The following NTRK3 variants were observed in gnomAD, a reference collection of about 807,000 sequenced individuals.
NTRK3 encodes NT-3 growth factor receptor.
NTRK3 carries 24 observed loss-of-function variants against 91.7 expected under a neutral mutation model. The ratio of observed to expected loss-of-function variants is 0.26; its 90% CI spans 0.19 to 0.37. NTRK3 has a LOEUF of 0.37. NTRK3 is among the 10% of genes least tolerant of loss of function. The pLI is 1.00. For synonymous variants in NTRK3, 483 were observed against 404.0 expected (o/e 1.20, Z -2.34); for missense variants, 880 against 1,068.9 (o/e 0.82, Z 2.46).
intron 13 of NTRK3, among the ~76,000 whole-genome samples, chr15:88,060,007 T>C (rs1442334125): frequency 3.3e-5 from 5 of 152,054 alleles, no homozygotes; most frequent in Non-Finnish European, 5.9e-5. Context: ...CCAGAATAGA[T>C]TTCTGTTGTT....
intron 17 of NTRK3, among the ~76,000 whole-genome samples, chr15:87,921,769 G>A (rs2067896088): frequency 1.3e-5 from 2 of 152,070 alleles, no homozygotes; most frequent in African/African-American, 4.8e-5. Context: ...ACAAAGAGGA[G>A]CAATGAGCAG....
At chr15:87,933,956 A>G (rs1324318148) in intron 15 of NTRK3, among the ~76,000 whole-genome samples, 1 of 152,210 alleles carries the variant, frequency 6.6e-6, no homozygotes, top group Admixed American at 6.5e-5. Context: ...TGAAAACTCA[A>G]GTGTGAGAAA....
chr15:87,984,461 G>A (rs1024262647), intron 14 of NTRK3, among the ~76,000 whole-genome samples: 4 of 152,162 alleles, frequency 2.6e-5, no homozygotes, highest in African/African-American at 9.7e-5. Context: ...TTGAGTCTAA[G>A]TTCTTTCTTC....
At chr15:88,099,636 C>T (rs142606923) in intron 13 of NTRK3, among the ~76,000 whole-genome samples, 21 of 152,190 alleles carry the variant, frequency 1.4e-4, no homozygotes, top group African/African-American at 5.1e-4. Flanking sequence ...GGGTGCTAGC[C>T]GGGTCTGCCA....
chr15:88,166,071 C>T (rs761091923), intron 5 of NTRK3, among the ~76,000 whole-genome samples: 1 of 152,144 alleles, frequency 6.6e-6, no homozygotes, highest in Non-Finnish European at 1.5e-5. Context: ...TGTGAGAAAG[C>T]ACATGACAAA....
chr15:88,007,039 G>A (rs1221310046), intron 14 of NTRK3, among the ~76,000 whole-genome samples: 1 of 152,122 alleles, frequency 6.6e-6, no homozygotes, highest in Non-Finnish European at 1.5e-5. Flanking sequence ...TGGAGGCCAT[G>A]GCAAGGTTTA....
chr15:88,061,768 G>A (rs534231219), intron 13 of NTRK3, among the ~76,000 whole-genome samples: 42 of 152,330 alleles, frequency 2.8e-4, no homozygotes, highest in South Asian at 1.2e-3. Flanking sequence ...AGAGTCCCCT[G>A]TGAGGCAGGA....
At chr15:87,865,670 T>C (rs778880263) in exon 19 of NTRK3, 40 of 220,208 alleles carry the variant, frequency 1.8e-4, no homozygotes, top group Admixed American at 1.0e-3. Flanking sequence ...CAAAGCATTA[T>C]GTTGAAATTG....
At chr15:88,042,311 T>C (rs1596925498) in intron 13 of NTRK3, among the ~76,000 whole-genome samples, 2 of 152,356 alleles carry the variant, frequency 1.3e-5, no homozygotes, top group African/African-American at 4.8e-5. Context: ...TAATTTTTAT[T>C]GGCAGATGTG....
At chr15:88,101,048 G>A (rs1220017397) in intron 13 of NTRK3, among the ~76,000 whole-genome samples, 1 of 152,094 alleles carries the variant, frequency 6.6e-6, no homozygotes, top group Admixed American at 6.6e-5. Flanking sequence ...CTGCTGCACA[G>A]CAAAAGAAAC....
At chr15:88,035,062 A>G (rs1379606011) in intron 13 of NTRK3, among the ~76,000 whole-genome samples, 3 of 152,234 alleles carry the variant, frequency 2.0e-5, no homozygotes, top group Non-Finnish European at 4.4e-5. Flanking sequence ...AAAAGTGGTG[A>G]TAAGAGAAAA....
chr15:87,925,441 G>GCGCACACACACA (rs113585685), intron 17 of NTRK3: 1 of 176,292 alleles, frequency 5.7e-6, no homozygotes, highest in African/African-American at 2.4e-5. Flanking sequence ...ACACGTGTAT[G>GCGCACACACACA]CACACACACA....
intron 3 of NTRK3, among the ~76,000 whole-genome samples, chr15:88,204,859 G>C (rs2048607322): frequency 6.6e-6 from 1 of 152,176 alleles, no homozygotes; most frequent in Admixed American, 6.5e-5. Flanking sequence ...TCTCAGCAGA[G>C]CAGGGCTACC....
intron 3 of NTRK3, among the ~76,000 whole-genome samples, chr15:88,220,487 G>A (rs757571607): frequency 2.0e-5 from 3 of 152,314 alleles, no homozygotes; most frequent in Non-Finnish European, 2.9e-5. Flanking sequence ...GCTGTGTGAC[G>A]CCAGCAAGTC....
intron 13 of NTRK3, among the ~76,000 whole-genome samples, chr15:88,126,024 A>T (rs971889867): frequency 1.3e-5 from 2 of 152,196 alleles, no homozygotes; most frequent in African/African-American, 4.8e-5. Context: ...AGCCCTTCTA[A>T]GCAATGTTTA....
At chr15:88,229,530 A>G (rs1022559408) in intron 3 of NTRK3, among the ~76,000 whole-genome samples, 1 of 152,188 alleles carries the variant, frequency 6.6e-6, no homozygotes, top group South Asian at 2.1e-4. Flanking sequence ...CTCCCATCCA[A>G]AAGAAGATAC....
intron 3 of NTRK3, among the ~76,000 whole-genome samples, chr15:88,201,086 G>A (rs2048266386): frequency 6.6e-6 from 1 of 152,112 alleles, no homozygotes; most frequent in Admixed American, 6.5e-5. Flanking sequence ...TTAATTTTCG[G>A]TTAACAACAG....
chr15:88,123,957 G>A (rs777700602), intron 13 of NTRK3, among the ~76,000 whole-genome samples: 27 of 152,194 alleles, frequency 1.8e-4, no homozygotes, highest in Non-Finnish European at 3.1e-4. Flanking sequence ...AATGAGGCAT[G>A]TATGGCTCCC....
intron 5 of NTRK3, among the ~76,000 whole-genome samples, chr15:88,152,909 A>G (rs963990594): frequency 1.6e-4 from 25 of 152,148 alleles, no homozygotes; most frequent in African/African-American, 5.8e-4. Context: ...ATTAAAAGAG[A>G]TAACAGACAA....
Sources: allele counts gnomAD v4.1 joint callset (sites outside exome capture counted in the v4.1 genomes callset), GRCh38; gene constraint gnomAD v4.1.1; transcripts MANE v1.5; gene names NCBI Gene and HGNC (gene_info 2026-07-23, HGNC 2026-07-21).